Variants in VPS13C observed in about 807,000 individuals in gnomAD.
The protein encoded by VPS13C is vacuolar protein sorting 13 homolog C.
Under a neutral mutation model 456.8 loss-of-function variants are expected in VPS13C, and 358 were observed. That is an observed-to-expected ratio of 0.78 (90% CI 0.72 to 0.86). The LOEUF (loss-of-function observed/expected upper bound fraction) is 0.86, where lower values mean the gene tolerates loss of function less well. Ranked by LOEUF, VPS13C falls within the 40% of genes least tolerant of loss-of-function variation. The probability of loss-of-function intolerance (pLI) is 0.00; values close to 1 mark genes in which losing one functional copy is unlikely to be tolerated. For synonymous variants in VPS13C, 1,578 were observed against 1,486.7 expected, an observed-to-expected ratio of 1.06 and a Z score of -1.41; for missense variants, 4,818 against 4,385.4, an observed-to-expected ratio of 1.10 and a Z score of -2.79.
intron 46 of VPS13C, among the ~76,000 whole-genome samples, chr15:61,941,333 G>C (rs541676678): frequency 6.6e-6 from 1 of 152,212 alleles, no homozygotes; most frequent in South Asian, 2.1e-4. Context: ...GTCCCATTTC[G>C]ATTCACTAAT....
chr15:61,861,616 G>A (rs2140845093), intron 82 of VPS13C, among the ~76,000 whole-genome samples: 1 of 152,234 alleles, frequency 6.6e-6, no homozygotes, highest in Non-Finnish European at 1.5e-5. Context: ...GAGGCTGGAG[G>A]ATCACTTGAG....
intron 48 of VPS13C, 41 bp downstream of exon 48, chr15:61,936,556 A>C (rs767865488): frequency 2.0e-6 from 3 of 1,492,934 alleles, no homozygotes; most frequent in Non-Finnish European, 2.7e-6. Context: ...TGACATTAAC[A>C]CCAATTTTTT....
intron 22 of VPS13C, 27 bp downstream of exon 22, chr15:61,981,315 C>T (rs761920746): frequency 1.3e-6 from 2 of 1,567,220 alleles, no homozygotes; most frequent in African/African-American, 1.4e-5. Context: ...CAAAGATGGG[C>T]AGACAAAAAA....
chr15:62,005,535 T>C (rs1171992295), intron 15 of VPS13C, among the ~76,000 whole-genome samples: 1 of 152,048 alleles, frequency 6.6e-6, no homozygotes. Flanking sequence ...TTAATATTGT[T>C]ATGTGTGAAT....
At chr15:62,041,769 G>A (rs977412222) in intron 2 of VPS13C, among the ~76,000 whole-genome samples, 3 of 151,912 alleles carry the variant, frequency 2.0e-5, no homozygotes, top group Admixed American at 1.3e-4. Context: ...GCAGTGAGTC[G>A]GGATCGCGCC....
At chr15:62,021,284 A>C (rs1371271095) in intron 8 of VPS13C, among the ~76,000 whole-genome samples, 1 of 151,902 alleles carries the variant, frequency 6.6e-6, no homozygotes. Flanking sequence ...GTACTCCTTA[A>C]ATTTACACAT....
At chr15:61,863,023 T>C (rs988210408) in intron 82 of VPS13C, among the ~76,000 whole-genome samples, 1 of 152,120 alleles carries the variant, frequency 6.6e-6, no homozygotes, top group South Asian at 2.1e-4. Flanking sequence ...GAGATAAACA[T>C]ATAGAAGTAA....
Position 61,852,792 on chromosome 15 carries a change from G to A in VPS13C, c.*1665C>T, listed in dbSNP as rs191825877. On this transcript the variant is annotated 3_prime_UTR_variant, in exon 85 of 85. Coordinates refer to ENST00000644861, the MANE Select transcript of VPS13C (RefSeq NM_020821.3). The stretch of plus-strand genomic sequence containing the variant: ...AAAAAAATAATTTTGAAAAAGTAAT[G>A]ACAAACAGAGATCAAACATTTAGGG... 1 of 152,060 alleles carries A rather than the reference G, an allele frequency of 6.6e-6. No homozygotes were observed. The highest frequency in any genetic ancestry group is 1.5e-5 in the Non-Finnish European group (1 of 67,984). The allele number at this position is 152,060 out of a possible 1,614,324, so 9.4% of individuals were successfully genotyped here.
chr15:62,015,960 CAAAAAAAAAAA>C (rs67786303), intron 9 of VPS13C, among the ~76,000 whole-genome samples: 12 of 72,420 alleles, frequency 1.7e-4, no homozygotes, highest in Non-Finnish European at 2.7e-4. Flanking sequence ...AAAAGAAGTC[CAAAAAAAAAAA>C]AAAAAAAAAA....
chr15:62,018,746 C>A (rs1042519831), intron 9 of VPS13C, among the ~76,000 whole-genome samples: 20 of 152,074 alleles, frequency 1.3e-4, no homozygotes, highest in African/African-American at 4.1e-4. Context: ...GTCTAAAATT[C>A]TCTTTTTTGG....
chr15:61,967,534 A>C, intron 28 of VPS13C, 87 bp from the exon 29 acceptor site: 1 of 1,036,290 alleles, frequency 9.6e-7, no homozygotes, highest in South Asian at 1.5e-5. Flanking sequence ...AAAATTTGTT[A>C]ATTAAGCTTT....
At chr15:61,927,011 G>T in intron 52 of VPS13C, 80 bp downstream of exon 52, 2 of 1,230,792 alleles carry the variant, frequency 1.6e-6, no homozygotes, top group Admixed American at 2.0e-5. Context: ...TCCCTGCAGA[G>T]CTCTCATATT....
At chr15:61,859,728 A>G (rs1894120836) in intron 82 of VPS13C, among the ~76,000 whole-genome samples, 1 of 152,116 alleles carries the variant, frequency 6.6e-6, no homozygotes, top group Admixed American at 6.6e-5. Flanking sequence ...CTTAGCACCT[A>G]TCACACGGTG....
chr15:61,854,419 T>C lies in VPS13C; in HGVS notation c.*38A>G, dbSNP rs1450814477. The C allele has an allele frequency of 6.5e-7, 1 of 1,549,542 alleles. No homozygotes were observed. The highest frequency in any genetic ancestry group is 1.4e-5 in the African/African-American group (1 of 73,668). On this transcript the variant is annotated 3_prime_UTR_variant, in exon 85 of 85. Coordinates refer to ENST00000644861, the MANE Select transcript of VPS13C (RefSeq NM_020821.3). ...AGTGACTTATAGACAAGACCAGTGA[T>C]TGTTTTTTCTCCCTGTTGGAGCCCC...
rs571464449 is a variant in VPS13C at position 62,028,800 on chromosome 15, T to C, written c.386-380A>G. 1.4e-4 allele frequency among the ~76,000 whole-genome samples: 22 copies of C among 152,198 alleles called. No individual in the cohort carries two copies. In the Middle Eastern group the frequency reaches 0.014, roughly 94 times the overall value. On this transcript the variant is annotated intron_variant, in intron 5 of 84. Transcript: ENST00000644861. ...TTTTCAGAATATAATATTACTGTGATATTTGACGCTAATTTTAGAGTGGGC... is the reference window on the plus strand; with the variant it reads ...TTTTCAGAATATAATATTACTGTGACATTTGACGCTAATTTTAGAGTGGGC...
intron 3 of VPS13C, among the ~76,000 whole-genome samples, chr15:62,037,395 AT>A: frequency 9.4e-6 from 1 of 105,966 alleles, no homozygotes; most frequent in Non-Finnish European, 1.8e-5. Context: ...TATATAATAT[AT>A]TATATATAAA....
chr15:61,958,519 T>C (rs2045085151), intron 37 of VPS13C, 89 bp downstream of exon 37: 1 of 747,352 alleles, frequency 1.3e-6, no homozygotes, highest in South Asian at 1.8e-5. Flanking sequence ...TGTAAACATA[T>C]ATTTGTTTAC....
chr15:62,033,567 C>T lies in VPS13C; in HGVS notation c.284-25G>A, dbSNP rs757732777. Reference sequence around the variant, plus strand: ...CCTAAAAATATACAGTCAATTCACACAAAAATAAATGGAATTAATAAATAA... The same window carrying T: ...CCTAAAAATATACAGTCAATTCACATAAAAATAAATGGAATTAATAAATAA... On this transcript the variant is annotated intron_variant, in intron 4 of 84. Transcript: ENST00000644861. 56 of 1,473,044 alleles carry T rather than the reference C, an allele frequency of 3.8e-5. 1 individual carries two copies. The South Asian group carries it at 6.8e-4, about 18-fold the overall frequency. 91.2% of individuals were successfully genotyped at this position (1,473,044 alleles called of 1,614,324 possible).
At chr15:61,959,623 G>A in intron 35 of VPS13C, 28 bp from the exon 36 acceptor site, 2 of 1,602,266 alleles carry the variant, frequency 1.2e-6, no homozygotes, top group African/African-American at 1.3e-5. Flanking sequence ...GTTACATAAT[G>A]CATAGATATA....
Sources: allele counts gnomAD v4.1 joint callset (sites outside exome capture counted in the v4.1 genomes callset), GRCh38; gene constraint gnomAD v4.1.1; transcripts MANE v1.5; gene names NCBI Gene and HGNC (gene_info 2026-07-23, HGNC 2026-07-21).